Variants in ASRGL1 observed in about 807,000 individuals in gnomAD.
ASRGL1 encodes the protein asparaginase and isoaspartyl peptidase 1.
ASRGL1 carries 16 observed loss-of-function variants against 22.4 expected under a neutral mutation model. The observed-to-expected ratio is 0.71, with a 90% CI of 0.48 to 1.08. The LOEUF is 1.08. Among genes scored for constraint, ASRGL1 ranks in the 50% least tolerant of loss-of-function variants. The pLI is 0.00. For missense variants in ASRGL1, 412 were observed against 410.1 expected (o/e 1.00, Z -0.04); for synonymous variants, 165 against 159.3 (o/e 1.04, Z -0.27).
At chr11:62,390,284 A>G (rs1947307484) in intron 5 of ASRGL1, among the ~76,000 whole-genome samples, 1 of 152,046 alleles carries the variant, frequency 6.6e-6, no homozygotes, top group Non-Finnish European at 1.5e-5. Context: ...AATTCTCAGA[A>G]CTCTCTGTCC....
At chr11:62,370,048 G>A (rs1226321990) in intron 4 of ASRGL1, among the ~76,000 whole-genome samples, 3 of 152,134 alleles carry the variant, frequency 2.0e-5, no homozygotes, top group Non-Finnish European at 4.4e-5. Context: ...TCCTGCCACA[G>A]CGGCCGTAGC....
rs868154214 is a variant in ASRGL1, at chr11:62,393,070, T to C, written c.*786T>C. The C allele has an allele frequency of 2.0e-5, 3 of 152,390 alleles. No homozygotes were observed. Among genetic ancestry groups the C allele is most frequent in the Admixed American group, 6.5e-5 (1 of 15,300 alleles). The allele number at this position is 152,390 out of a possible 1,614,324, so 9.4% of individuals were successfully genotyped here. A position where few individuals can be genotyped will look rare whatever the true frequency, so the allele number is the denominator to read the frequency against. ...CAAAGACACTCTGGTCCTCGTATAG[T>C]GAGTAATGGGGCTCAGGGCCTCTCC... On this transcript the variant is annotated 3_prime_UTR_variant, in exon 7 of 7. Coordinates refer to ENST00000415229, the MANE Select transcript of ASRGL1 (RefSeq NM_001083926.2).
chr11:62,338,466 A>G (rs1945781730), intron 2 of ASRGL1: 3 of 288,536 alleles, frequency 1.0e-5, no homozygotes, highest in Non-Finnish European at 1.9e-5. Flanking sequence ...CATACAAGAC[A>G]TACATTGGTT....
downstream of ASRGL1, among the ~76,000 whole-genome samples, chr11:62,394,541 G>A (rs1947408047): frequency 6.6e-6 from 1 of 151,764 alleles, no homozygotes; most frequent in African/African-American, 2.4e-5. Flanking sequence ...AATCATGTTG[G>A]GGTTTGGAAA....
intron 4 of ASRGL1, among the ~76,000 whole-genome samples, chr11:62,368,593 TG>T (rs1946678184): frequency 6.6e-6 from 1 of 152,018 alleles, no homozygotes; most frequent in African/African-American, 2.4e-5. Flanking sequence ...AGAAGAAAAG[TG>T]GGCCCAGGGG....
Position 62,356,196 on chromosome 11 carries a change from A to G in ASRGL1, c.191-129A>G, listed in dbSNP as rs574207976. 2,055 of 1,081,944 alleles carry G rather than the reference A, an allele frequency of 1.9e-3. 5 individuals are homozygous for G. The highest frequency in any genetic ancestry group is 2.2e-3 in the Non-Finnish European group (1,643 of 757,308). The allele number at this position is 1,081,944 out of a possible 1,614,324, so 67.0% of individuals were successfully genotyped here. ...GGGCTCCTCACTTCCCAGTAGGGGC[A>G]GCCGGGCAGAGGCGCCCCTCACCTC... is the stretch of plus-strand genomic sequence containing the variant. On this transcript the variant is annotated intron_variant, in intron 2 of 6. Coordinates refer to ENST00000415229, the MANE Select transcript of ASRGL1 (RefSeq NM_001083926.2).
At chr11:62,380,054 T>G (rs1370134589) in intron 4 of ASRGL1, among the ~76,000 whole-genome samples, 4 of 152,182 alleles carry the variant, frequency 2.6e-5, no homozygotes, top group Non-Finnish European at 5.9e-5. Context: ...GATGACCAAT[T>G]TGACCACAAT....
At chr11:62,352,342 T>G (rs1157435045) in intron 2 of ASRGL1, among the ~76,000 whole-genome samples, 1 of 152,056 alleles carries the variant, frequency 6.6e-6, no homozygotes, top group Admixed American at 6.5e-5. Flanking sequence ...TCCCAACACT[T>G]TGGGAGGCCG....
At chr11:62,352,371 A>T (rs752525481) in intron 2 of ASRGL1, among the ~76,000 whole-genome samples, 27 of 152,156 alleles carry the variant, frequency 1.8e-4, no homozygotes, top group Admixed American at 4.6e-4. Context: ...GGATCACTTG[A>T]GGTCAGGAGT....
chr11:62,370,009 A>G (rs1413562498), intron 4 of ASRGL1, among the ~76,000 whole-genome samples: 1 of 152,172 alleles, frequency 6.6e-6, no homozygotes, highest in Admixed American at 6.5e-5. Context: ...AACAAAGTTT[A>G]CTGTCTGAAC....
In ASRGL1 at chr11:62,338,068, G is replaced by A. The variant is rs1945769052; in HGVS notation, c.91G>A (p.Ala31Thr). 6.2e-7 allele frequency: 1 copy of A among 1,607,332 alleles called. No individual in the cohort carries two copies. The highest frequency in any genetic ancestry group is 8.5e-7 in the Non-Finnish European group (1 of 1,177,444). ...ERVHQGMVRA[A>T]TVGYGILREG... ...AGTGCACCAGGGCATGGTCAGAGCC[G>A]CCACCGTGGGCTACGGCATCCTCCG... Residue 31 changes from alanine (A) to threonine (T), a missense_variant, in exon 2 of 7, where the codon GCC (alanine) becomes ACC (threonine). Coordinates refer to ENST00000415229, the MANE Select transcript of ASRGL1 (RefSeq NM_001083926.2).
chr11:62,385,670 G>T (rs111827495), intron 4 of ASRGL1, among the ~76,000 whole-genome samples: 2 of 152,038 alleles, frequency 1.3e-5, no homozygotes, highest in African/African-American at 4.8e-5. Flanking sequence ...TTTGAGACCA[G>T]CCTGACCAAC....
At chr11:62,397,877 T>C (rs913682718), downstream of ASRGL1, among the ~76,000 whole-genome samples, 4 of 152,186 alleles carry the variant, frequency 2.6e-5, no homozygotes, top group Non-Finnish European at 4.4e-5. Context: ...TTGGTCAATA[T>C]TCAAATTTCC....
At chr11:62,391,720 A>C in intron 6 of ASRGL1, 88 bp downstream of exon 6, 1 of 1,447,538 alleles carries the variant, frequency 6.9e-7, no homozygotes, top group Non-Finnish European at 9.2e-7. Context: ...GAAGTGTAGG[A>C]AACCCTTTCC....
chr11:62,395,490 C>T (rs1179813746), downstream of ASRGL1, among the ~76,000 whole-genome samples: 1 of 152,142 alleles, frequency 6.6e-6, no homozygotes, highest in Non-Finnish European at 1.5e-5. Context: ...GCCTTGATCT[C>T]GTAGCTGTTG....
intron 2 of ASRGL1, among the ~76,000 whole-genome samples, chr11:62,343,729 A>AC (rs1361264494): frequency 1.7e-5 from 2 of 119,110 alleles, no homozygotes; most frequent in East Asian, 4.9e-4. Context: ...CTCCAGCTCC[A>AC]CAAAAAAAAA....
rs538298009 is a variant in ASRGL1, at chr11:62,338,279, A to T, written c.190+112A>T. The T allele has an allele frequency of 2.2e-4, 246 of 1,099,556 alleles. No homozygotes were observed. The African/African-American group carries it at 3.8e-3, about 17-fold the overall frequency. 68.1% of individuals were successfully genotyped at this position (1,099,556 alleles called of 1,614,324 possible). A position where few individuals can be genotyped will look rare whatever the true frequency, so the allele number is the denominator to read the frequency against. On this transcript the variant is annotated intron_variant, in intron 2 of 6. Coordinates refer to ENST00000415229, the MANE Select transcript of ASRGL1 (RefSeq NM_001083926.2). ...TCTAATGAGCTTTGGGGTGAAACTA[A>T]GTATGTAAAAAAGAAACAATATTTA...
At chr11:62,345,594 T>TTGCAAGTCCCCTGGTTA (rs1450681546) in intron 2 of ASRGL1, among the ~76,000 whole-genome samples, 1 of 152,092 alleles carries the variant, frequency 6.6e-6, no homozygotes, top group Non-Finnish European at 1.5e-5. Context: ...AAAAGGCATA[T>TTGCAAGTCCCCTGGTTA]TGCAAGTCCC....
At chr11:62,359,747 T>G (rs771746482) in intron 4 of ASRGL1, among the ~76,000 whole-genome samples, 1 of 152,008 alleles carries the variant, frequency 6.6e-6, no homozygotes, top group Non-Finnish European at 1.5e-5. Context: ...AGTTGCTAAC[T>G]CTCCGTGTTA....
Sources: gnomAD v4.1 joint callset for allele counts (sites outside exome capture counted in the v4.1 genomes callset) on GRCh38, gnomAD v4.1.1 for gene constraint, MANE v1.5 for transcripts, NCBI Gene and HGNC (gene_info 2026-07-23, HGNC 2026-07-21) for gene names.